SRGAP1: variants seen among roughly 807,000 people sequenced by gnomAD.
The protein encoded by SRGAP1 is SLIT-ROBO Rho GTPase-activating protein 1.
SRGAP1 carries 43 observed loss-of-function variants against 121.9 expected under a neutral mutation model. The ratio of observed to expected loss-of-function variants is 0.35; its 90% CI spans 0.28 to 0.46. The LOEUF (loss-of-function observed/expected upper bound fraction) is 0.46, where lower values mean the gene tolerates loss of function less well. Among genes scored for constraint, SRGAP1 ranks in the 20% least tolerant of loss-of-function variants. The probability of loss-of-function intolerance (pLI) is 1.00; values close to 1 mark genes in which losing one functional copy is unlikely to be tolerated. For missense variants in SRGAP1, 1,102 were observed against 1,350.9 expected (o/e 0.82, Z 2.89); for synonymous variants, 447 against 485.4 (o/e 0.92, Z 1.04).
intron 3 of SRGAP1, among the ~76,000 whole-genome samples, chr12:63,999,041 ACTT>A (rs1170545536): frequency 6.6e-6 from 1 of 152,114 alleles, no homozygotes; most frequent in Non-Finnish European, 1.5e-5. Flanking sequence ...GAAGCCCCTT[ACTT>A]CTTATGACTT....
At chr12:63,855,628 C>G (rs148183895) in intron 1 of SRGAP1, among the ~76,000 whole-genome samples, 1 of 151,582 alleles carries the variant, frequency 6.6e-6, no homozygotes, top group Admixed American at 6.6e-5. Flanking sequence ...GTAGGGACTA[C>G]AGGCGTGCAC....
At chr12:63,945,843 A>G (rs989548508) in intron 1 of SRGAP1, among the ~76,000 whole-genome samples, 2 of 152,192 alleles carry the variant, frequency 1.3e-5, no homozygotes, top group African/African-American at 4.8e-5. Flanking sequence ...CTTGGCAGCT[A>G]GAAGACTGAG....
chr12:64,052,383 T>A (rs867116232), intron 6 of SRGAP1, among the ~76,000 whole-genome samples: 1 of 152,064 alleles, frequency 6.6e-6, no homozygotes, highest in East Asian at 1.9e-4. Flanking sequence ...TGAAACCCTG[T>A]CTCTACTAAA....
chr12:64,090,079 T>G lies in SRGAP1; in HGVS notation c.1437-1197T>G, dbSNP rs112172585. On this transcript the variant is annotated intron_variant, in intron 11 of 21. Coordinates refer to ENST00000355086, the MANE Select transcript of SRGAP1 (RefSeq NM_020762.4). ...TTGCAGTTAAAAAGGAGTTTTACAT[T>G]AAAACATCCAGAGACAGGTCTCAGG... Among the ~76,000 whole-genome samples, 726 of 152,312 alleles carry G rather than the reference T, an allele frequency of 4.8e-3. 4 individuals carry two copies. Among genetic ancestry groups the G allele is most frequent in the African/African-American group, 0.016 (686 of 41,582 alleles).
At chr12:64,128,449 A>G (rs1310325693) in intron 21 of SRGAP1, among the ~76,000 whole-genome samples, 1 of 152,234 alleles carries the variant, frequency 6.6e-6, no homozygotes, top group Non-Finnish European at 1.5e-5. Flanking sequence ...ACGTAGGACC[A>G]GGACACTCAA....
intron 1 of SRGAP1, among the ~76,000 whole-genome samples, chr12:63,852,871 G>A (rs1372392301): frequency 6.6e-6 from 1 of 152,012 alleles, no homozygotes; most frequent in Non-Finnish European, 1.5e-5. Flanking sequence ...ATCATTGTCT[G>A]TGCATCTCCC....
chr12:63,942,829 C>T (rs947085226), intron 1 of SRGAP1, among the ~76,000 whole-genome samples: 9 of 152,170 alleles, frequency 5.9e-5, no homozygotes, highest in South Asian at 2.1e-4. Flanking sequence ...AATTTGTTAT[C>T]GTTCTTAGCA....
intron 16 of SRGAP1, among the ~76,000 whole-genome samples, chr12:64,110,300 T>A (rs1274693922): frequency 4.6e-5 from 7 of 152,214 alleles, no homozygotes; most frequent in African/African-American, 9.6e-5. Flanking sequence ...TAATCCATAA[T>A]GGACTAGGAA....
intron 21 of SRGAP1, among the ~76,000 whole-genome samples, chr12:64,141,732 A>G (rs1419961891): frequency 1.3e-5 from 2 of 152,154 alleles, no homozygotes; most frequent in African/African-American, 2.4e-5. Flanking sequence ...CAGGAGGCTT[A>G]CTTGAGCCCA....
intron 1 of SRGAP1, among the ~76,000 whole-genome samples, chr12:63,847,573 C>T (rs1898942677): frequency 6.6e-6 from 1 of 152,076 alleles, no homozygotes; most frequent in Admixed American, 6.5e-5. Flanking sequence ...TGGTGAAACC[C>T]TGTCCCTACT....
At chr12:64,025,335 C>G (rs1220297593) in intron 4 of SRGAP1, among the ~76,000 whole-genome samples, 2 of 152,018 alleles carry the variant, frequency 1.3e-5, no homozygotes, top group African/African-American at 2.4e-5. Flanking sequence ...ATGCCCAAGG[C>G]AAGGTTGAAA....
At chr12:63,906,858 A>G (rs1245371904) in intron 1 of SRGAP1, among the ~76,000 whole-genome samples, 1 of 151,134 alleles carries the variant, frequency 6.6e-6, no homozygotes, top group Non-Finnish European at 1.5e-5. Context: ...ATACTCACCC[A>G]CTTTTAATTT....
chr12:64,056,786 C>T (rs374199316), intron 6 of SRGAP1, among the ~76,000 whole-genome samples: 2 of 152,068 alleles, frequency 1.3e-5, no homozygotes, highest in Non-Finnish European at 2.9e-5. Context: ...AGCTTTTTCT[C>T]GCCTGGGGCC....
At chr12:63,983,851 T>TTTAAA (rs2033341497) in intron 1 of SRGAP1, 96 bp from the exon 2 acceptor site, 1 of 96,558 alleles carries the variant, frequency 1.0e-5, no homozygotes, top group Non-Finnish European at 2.0e-5. Flanking sequence ...TATATATATA[T>TTTAAA]ATATTTATAT....
intron 18 of SRGAP1, among the ~76,000 whole-genome samples, chr12:64,116,392 T>C (rs891313343): frequency 6.6e-6 from 1 of 152,120 alleles, no homozygotes; most frequent in African/African-American, 2.4e-5. Context: ...TCCTTTGCAC[T>C]TCCCTGATCT....
chr12:64,019,157 C>T (rs2034483916), intron 4 of SRGAP1, among the ~76,000 whole-genome samples: 1 of 152,118 alleles, frequency 6.6e-6, no homozygotes, highest in African/African-American at 2.4e-5. Flanking sequence ...CCACTGAATA[C>T]AAGAAAAGTC....
intron 11 of SRGAP1, among the ~76,000 whole-genome samples, chr12:64,088,394 AAG>A (rs1409446850): frequency 6.6e-6 from 1 of 152,222 alleles, no homozygotes; most frequent in Non-Finnish European, 1.5e-5. Flanking sequence ...ACTTCAAAAA[AAG>A]AGATTTTTTT....
chr12:63,952,309 T>C (rs2032324638), intron 1 of SRGAP1, among the ~76,000 whole-genome samples: 1 of 152,164 alleles, frequency 6.6e-6, no homozygotes, highest in Non-Finnish European at 1.5e-5. Context: ...GCCAGGAGTT[T>C]GAGACTAGGC....
At chr12:64,019,423 G>A (rs1324649531) in intron 4 of SRGAP1, among the ~76,000 whole-genome samples, 1 of 152,094 alleles carries the variant, frequency 6.6e-6, no homozygotes, top group African/African-American at 2.4e-5. Flanking sequence ...TAAGGGATAG[G>A]GCAGACAAGT....
Sources: gnomAD v4.1 joint callset for allele counts (sites outside exome capture counted in the v4.1 genomes callset) on GRCh38, gnomAD v4.1.1 for gene constraint, MANE v1.5 for transcripts, NCBI Gene and HGNC (gene_info 2026-07-23, HGNC 2026-07-21) for gene names.